EBF1: variants seen among roughly 807,000 people sequenced by gnomAD.
EBF1 encodes EBF transcription factor 1, also known as transcription factor COE1.
EBF1 carries 10 observed loss-of-function variants against 68.4 expected under a neutral mutation model. That is an observed-to-expected ratio of 0.15 (90% CI 0.09 to 0.25). EBF1 has a LOEUF of 0.25. Among genes scored for constraint, EBF1 ranks in the 10% least tolerant of loss-of-function variants. The pLI is 1.00. For missense variants in EBF1, 509 were observed against 794.4 expected (o/e 0.64, Z 4.32); for synonymous variants, 298 against 299.8 (o/e 0.99, Z 0.06).
intron 6 of EBF1, among the ~76,000 whole-genome samples, chr5:158,980,170 T>C (rs1475058501): frequency 1.3e-5 from 2 of 152,176 alleles, no homozygotes; most frequent in African/African-American, 4.8e-5. Flanking sequence ...ATATTATTAT[T>C]TGTCCTCTCT....
intron 6 of EBF1, among the ~76,000 whole-genome samples, chr5:158,945,836 G>A (rs1190293617): frequency 6.6e-6 from 1 of 152,038 alleles, no homozygotes; most frequent in Non-Finnish European, 1.5e-5. Flanking sequence ...CATAGATTTG[G>A]TCTTTTCACA....
At chr5:159,060,255 A>C (rs958917869) in intron 6 of EBF1, among the ~76,000 whole-genome samples, 1 of 152,172 alleles carries the variant, frequency 6.6e-6, no homozygotes, top group Admixed American at 6.5e-5. Flanking sequence ...TGTGAGAATA[A>C]ATTTTTAAAT....
At chr5:158,886,231 G>T (rs1800012427) in intron 6 of EBF1, among the ~76,000 whole-genome samples, 1 of 152,226 alleles carries the variant, frequency 6.6e-6, no homozygotes, top group African/African-American at 2.4e-5. Context: ...AAAGCTGTGT[G>T]GACCAGTGGC....
At chr5:158,860,464 C>G (rs948679473) in intron 6 of EBF1, among the ~76,000 whole-genome samples, 1 of 152,194 alleles carries the variant, frequency 6.6e-6, no homozygotes, top group African/African-American at 2.4e-5. Context: ...GAATGCAGAT[C>G]TGGGGTATAA....
At chr5:158,973,226 C>T (rs767899114) in intron 6 of EBF1, among the ~76,000 whole-genome samples, 70 of 152,102 alleles carry the variant, frequency 4.6e-4, no homozygotes, top group Admixed American at 8.5e-4. Flanking sequence ...TTGAAAGGTA[C>T]TCAGTAAATA....
chr5:158,792,258 A>C (rs114251389), intron 9 of EBF1, among the ~76,000 whole-genome samples: 1,767 of 152,328 alleles, frequency 0.012, 26 homozygotes, highest in African/African-American at 0.04. Context: ...AAATCGCAAG[A>C]AACAATAAAG....
rs557587133 is a variant in EBF1 at position 158,862,925 on chromosome 5, G to C, written c.555-22815C>G. On this transcript the variant is annotated intron_variant, in intron 6 of 15. Transcript: ENST00000313708. ...CATTCTTGAACGATTGAATTCTACA[G>C]ACCCTGACTTTGATTTTGAAGACTT... is the stretch of plus-strand genomic sequence containing the variant. Among the ~76,000 whole-genome samples, 3 of 152,304 alleles carry C rather than the reference G, an allele frequency of 2.0e-5. No homozygotes were observed. The South Asian group carries it at 6.2e-4, about 32-fold the overall frequency.
At chr5:159,055,553 T>A (rs1001197498) in intron 6 of EBF1, among the ~76,000 whole-genome samples, 4 of 152,222 alleles carry the variant, frequency 2.6e-5, no homozygotes, top group Non-Finnish European at 5.9e-5. Flanking sequence ...AAAGCATGCT[T>A]TCTCCTTAAC....
chr5:158,929,557 G>A (rs1470830480), intron 6 of EBF1, among the ~76,000 whole-genome samples: 2 of 152,160 alleles, frequency 1.3e-5, no homozygotes, highest in African/African-American at 4.8e-5. Flanking sequence ...TACAGCACAA[G>A]ACCCTTCATA....
At chr5:158,812,880 G>A (rs1782959153) in intron 8 of EBF1, among the ~76,000 whole-genome samples, 1 of 152,094 alleles carries the variant, frequency 6.6e-6, no homozygotes, top group South Asian at 2.1e-4. Flanking sequence ...TAAAAAAACA[G>A]CAGCTTGGGA....
intron 6 of EBF1, among the ~76,000 whole-genome samples, chr5:158,937,321 C>T (rs1285494457): frequency 1.3e-5 from 2 of 152,022 alleles, no homozygotes; most frequent in African/African-American, 2.4e-5. Context: ...TAGGAAGCCT[C>T]GGATTCATTC....
At chr5:158,838,769 T>C (rs545494360) in intron 7 of EBF1, among the ~76,000 whole-genome samples, 2 of 152,352 alleles carry the variant, frequency 1.3e-5, no homozygotes, top group East Asian at 3.9e-4. Flanking sequence ...CACTTAAAGC[T>C]GACTAAATAT....
chr5:158,931,566 T>G (rs926247314), intron 6 of EBF1, among the ~76,000 whole-genome samples: 2 of 152,220 alleles, frequency 1.3e-5, no homozygotes, highest in Admixed American at 1.3e-4. Context: ...AAATCAAACT[T>G]TGACTTAATT....
intron 11 of EBF1, among the ~76,000 whole-genome samples, chr5:158,717,200 A>G (rs1760919640): frequency 6.6e-6 from 1 of 152,228 alleles, no homozygotes; most frequent in Non-Finnish European, 1.5e-5. Flanking sequence ...TTTAAAATCA[A>G]ATTGATAGTG....
intron 5 of EBF1, among the ~76,000 whole-genome samples, chr5:159,081,420 T>G (rs1398809534): frequency 6.6e-6 from 1 of 152,232 alleles, no homozygotes; most frequent in Non-Finnish European, 1.5e-5. Flanking sequence ...ATATAGCGTA[T>G]GTAAGGTTCA....
intron 6 of EBF1, among the ~76,000 whole-genome samples, chr5:159,035,980 G>A (rs559596002): frequency 2.0e-5 from 3 of 152,284 alleles, no homozygotes; most frequent in South Asian, 2.1e-4. Flanking sequence ...GACCCCCAGT[G>A]GTGGGGGACA....
rs550951635 is a variant in EBF1 at position 159,003,914 on chromosome 5, A to G, written c.554+69482T>C. Among the ~76,000 whole-genome samples, 5 of 152,344 alleles carry G rather than the reference A, an allele frequency of 3.3e-5. No individual in the cohort carries two copies. In the East Asian group the frequency reaches 7.7e-4, roughly 24 times the overall value. On this transcript the variant is annotated intron_variant, in intron 6 of 15. Transcript: ENST00000313708. Reference sequence around the variant, plus strand: ...AGCCCTGCCTGACTGCAAAGCCAGAACTGTGAGACACTAAAATGTTGGGAG... The same window carrying G: ...AGCCCTGCCTGACTGCAAAGCCAGAGCTGTGAGACACTAAAATGTTGGGAG...
At chr5:159,073,017 G>A (rs747800313) in intron 6 of EBF1, among the ~76,000 whole-genome samples, 10 of 152,120 alleles carry the variant, frequency 6.6e-5, no homozygotes, top group Non-Finnish European at 1.2e-4. Flanking sequence ...AAGTGATAAT[G>A]ATTCAAACAT....
intron 15 of EBF1, among the ~76,000 whole-genome samples, chr5:158,704,482 C>T (rs1226538297): frequency 6.6e-6 from 1 of 152,108 alleles, no homozygotes; most frequent in Non-Finnish European, 1.5e-5. Context: ...TCTTCCTAGT[C>T]ACTTAACCTG....
Sources: gnomAD v4.1 joint callset for allele counts (sites outside exome capture counted in the v4.1 genomes callset) on GRCh38, gnomAD v4.1.1 for gene constraint, MANE v1.5 for transcripts, NCBI Gene and HGNC (gene_info 2026-07-23, HGNC 2026-07-21) for gene names.